HAPLN1: variants seen among roughly 807,000 people sequenced by gnomAD.
The protein encoded by HAPLN1 is Cartilage link protein.
Under a neutral mutation model 36.5 loss-of-function variants are expected in HAPLN1, and 13 were observed. The observed-to-expected ratio is 0.36, with a 90% confidence interval of 0.23 to 0.57. HAPLN1 has a LOEUF of 0.57. Among genes scored for constraint, HAPLN1 ranks in the 20% least tolerant of loss-of-function variants. The pLI is 0.83. For synonymous variants in HAPLN1, 202 were observed against 169.8 expected, an observed-to-expected ratio of 1.19 and a Z score of -1.48; for missense variants, 407 against 439.7, an observed-to-expected ratio of 0.93 and a Z score of 0.66.
chr5:83,690,550 T>C (rs1357632384), intron 1 of HAPLN1, among the ~76,000 whole-genome samples: 1 of 152,094 alleles, frequency 6.6e-6, no homozygotes, highest in Non-Finnish European at 1.5e-5. Flanking sequence ...TATGTGGAGA[T>C]ATGTTAATTC....
chr5:83,704,687 T>C (rs1037330051), intron 1 of HAPLN1, among the ~76,000 whole-genome samples: 7 of 152,202 alleles, frequency 4.6e-5, no homozygotes, highest in Non-Finnish European at 8.8e-5. Context: ...AGGTGTTCAA[T>C]TCACCAAGAA....
chr5:83,645,471 C>CTTTTTTTTTTTTTTTTTTTT (rs1423821503), intron 3 of HAPLN1, among the ~76,000 whole-genome samples: 1 of 20,316 alleles, frequency 4.9e-5, no homozygotes, highest in Non-Finnish European at 8.1e-5. Context: ...TTTTCTTTTT[C>CTTTTTTTTTTTTTTTTTTTT]TTTCTTTTTT....
At chr5:83,695,212 G>A (rs1384733964) in intron 1 of HAPLN1, among the ~76,000 whole-genome samples, 1 of 152,056 alleles carries the variant, frequency 6.6e-6, no homozygotes, top group Non-Finnish European at 1.5e-5. Flanking sequence ...TGCAACTTCT[G>A]CCTCCTGGGT....
chr5:83,657,277 T>C (rs1054443919), intron 2 of HAPLN1, among the ~76,000 whole-genome samples: 1 of 151,932 alleles, frequency 6.6e-6, no homozygotes, highest in African/African-American at 2.4e-5. Context: ...TTGTATTTTT[T>C]AGTAGAGATG....
chr5:83,701,556 G>A (rs1380123295), intron 1 of HAPLN1, among the ~76,000 whole-genome samples: 1 of 152,206 alleles, frequency 6.6e-6, no homozygotes, highest in Non-Finnish European at 1.5e-5. Flanking sequence ...AATTTTGAAG[G>A]ATGTAAAGAT....
chr5:83,677,046 T>C (rs1724026204), intron 1 of HAPLN1, among the ~76,000 whole-genome samples: 1 of 152,166 alleles, frequency 6.6e-6, no homozygotes, highest in Non-Finnish European at 1.5e-5. Flanking sequence ...ACCAAGATGG[T>C]CAACTGCTAT....
chr5:83,668,558 T>A (rs1015723501), intron 2 of HAPLN1, among the ~76,000 whole-genome samples: 6 of 152,256 alleles, frequency 3.9e-5, no homozygotes, highest in Non-Finnish European at 7.3e-5. Flanking sequence ...GTGAAAGCAG[T>A]CATCTAGCTA....
At chr5:83,708,292 C>A (rs1254179245) in intron 1 of HAPLN1, among the ~76,000 whole-genome samples, 1 of 152,102 alleles carries the variant, frequency 6.6e-6, no homozygotes, top group South Asian at 2.1e-4. Flanking sequence ...TTGACAATAG[C>A]AAAGACATGA....
intron 3 of HAPLN1, among the ~76,000 whole-genome samples, chr5:83,647,406 C>T (rs1169762087): frequency 6.6e-6 from 1 of 152,160 alleles, no homozygotes; most frequent in Non-Finnish European, 1.5e-5. Flanking sequence ...CTATGCTTTA[C>T]TCAAAGTTTT....
At chr5:83,643,385 C>A in intron 4 of HAPLN1, among the ~76,000 whole-genome samples, 1 of 150,512 alleles carries the variant, frequency 6.6e-6, no homozygotes. Context: ...AGATTATTGA[C>A]CCCTGACCCA....
intron 4 of HAPLN1, among the ~76,000 whole-genome samples, chr5:83,642,574 G>A (rs1442464305): frequency 6.6e-6 from 1 of 152,120 alleles, no homozygotes; most frequent in East Asian, 1.9e-4. Context: ...GACTTCAACT[G>A]ACTGAAAGTG....
chr5:83,656,287 C>T (rs534119357), intron 2 of HAPLN1, among the ~76,000 whole-genome samples: 2 of 131,130 alleles, frequency 1.5e-5, no homozygotes, highest in South Asian at 2.5e-4. Flanking sequence ...GAGATTGTGT[C>T]GCTGTACCCC....
At chr5:83,657,219 C>T (rs1226911018) in intron 2 of HAPLN1, among the ~76,000 whole-genome samples, 1 of 151,932 alleles carries the variant, frequency 6.6e-6, no homozygotes, top group Non-Finnish European at 1.5e-5. Flanking sequence ...CCTCAGCCTC[C>T]CGAGTAGCTG....
intron 1 of HAPLN1, among the ~76,000 whole-genome samples, chr5:83,681,999 A>T (rs1262036309): frequency 1.3e-5 from 2 of 152,200 alleles, no homozygotes; most frequent in African/African-American, 4.8e-5. Flanking sequence ...ACTAGGGTTT[A>T]TATGGGTAGG....
At chr5:83,668,426 A>T (rs557568637) in intron 2 of HAPLN1, among the ~76,000 whole-genome samples, 1 of 152,202 alleles carries the variant, frequency 6.6e-6, no homozygotes, top group South Asian at 2.1e-4. Context: ...AAGCAATGCA[A>T]AGCTCTGAGT....
At chr5:83,699,639 A>T (rs1267633417) in intron 1 of HAPLN1, among the ~76,000 whole-genome samples, 1 of 152,170 alleles carries the variant, frequency 6.6e-6, no homozygotes, top group East Asian at 1.9e-4. Context: ...ATTCAGATCT[A>T]ATTTTCCTGT....
chr5:83,653,815 G>A (rs1050940941), intron 2 of HAPLN1, among the ~76,000 whole-genome samples: 1 of 152,214 alleles, frequency 6.6e-6, no homozygotes, highest in Non-Finnish European at 1.5e-5. Context: ...GCTTTCTCTG[G>A]GGTTTCCCCC....
chr5:83,643,776 G>C (rs930283187), intron 4 of HAPLN1, among the ~76,000 whole-genome samples: 1 of 152,198 alleles, frequency 6.6e-6, no homozygotes, highest in African/African-American at 2.4e-5. Flanking sequence ...ACACCGGGCT[G>C]CACAAATGAT....
chr5:83,701,464 A>G (rs1448958638), intron 1 of HAPLN1, among the ~76,000 whole-genome samples: 1 of 152,234 alleles, frequency 6.6e-6, no homozygotes, highest in African/African-American at 2.4e-5. Context: ...TGTATTACAC[A>G]GGGGATTTGA....
Sources: allele counts gnomAD v4.1 joint callset (sites outside exome capture counted in the v4.1 genomes callset), GRCh38; gene constraint gnomAD v4.1.1; transcripts MANE v1.5; gene names NCBI Gene and HGNC (gene_info 2026-07-23, HGNC 2026-07-21).